The following ITGA9 variants were observed in gnomAD, a reference collection of about 807,000 sequenced individuals.
The protein encoded by ITGA9 is integrin subunit alpha 9.
In ITGA9, 56 loss-of-function variants were observed where a neutral mutation model predicts 127.8. The observed-to-expected ratio is 0.44, with a 90% confidence interval of 0.35 to 0.55. ITGA9 has a LOEUF of 0.55. Among genes scored for constraint, ITGA9 ranks in the 20% least tolerant of loss-of-function variants. The pLI, the probability that ITGA9 is intolerant of heterozygous loss-of-function variation, is 0.00. For missense variants in ITGA9, 1,196 were observed against 1,347.1 expected, an observed-to-expected ratio of 0.89 and a Z score of 1.76; for synonymous variants, 508 against 514.5, an observed-to-expected ratio of 0.99 and a Z score of 0.17.
At chr3:37,780,906 G>A (rs1036262222) in intron 25 of ITGA9, among the ~76,000 whole-genome samples, 15 of 152,194 alleles carry the variant, frequency 9.9e-5, no homozygotes, top group Non-Finnish European at 1.9e-4. Context: ...TCCAGCAAGT[G>A]CCATTGGTAA....
At chr3:37,731,996 G>A (rs1179728963) in intron 18 of ITGA9, among the ~76,000 whole-genome samples, 5 of 152,150 alleles carry the variant, frequency 3.3e-5, no homozygotes, top group East Asian at 1.9e-4. Context: ...TACTGTTTCC[G>A]CTTGGCAGTC....
rs6550480 is a variant in ITGA9, at chr3:37,552,685, T to G, written c.1689+10100T>G. 2.6e-3 allele frequency among the ~76,000 whole-genome samples: 402 copies of G among 152,288 alleles called. 2 individuals are homozygous for G. Among genetic ancestry groups the G allele is most frequent in the African/African-American group, 8.9e-3 (371 of 41,550 alleles). On this transcript the variant is annotated intron_variant, in intron 15 of 27. Coordinates refer to ENST00000264741, the MANE Select transcript of ITGA9 (RefSeq NM_002207.3). Reference sequence around the variant, plus strand: ...TGCATGCATGTACTCCAGCTCTCTGTGTATGTTACACACACACACGTTTTT... The same window carrying G: ...TGCATGCATGTACTCCAGCTCTCTGGGTATGTTACACACACACACGTTTTT...
At chr3:37,742,469 G>A (rs1195781729) in intron 21 of ITGA9, among the ~76,000 whole-genome samples, 2 of 152,208 alleles carry the variant, frequency 1.3e-5, no homozygotes, top group Admixed American at 6.5e-5. Flanking sequence ...GTGGAGACCT[G>A]AAACAACCTG....
chr3:37,478,266 C>T (rs138699233), intron 3 of ITGA9, among the ~76,000 whole-genome samples: 3 of 152,270 alleles, frequency 2.0e-5, no homozygotes, highest in African/African-American at 7.2e-5. Context: ...GGATGCATGA[C>T]AAAGGCTTTG....
chr3:37,567,173 A>G (rs1202580906), intron 15 of ITGA9, among the ~76,000 whole-genome samples: 2 of 152,262 alleles, frequency 1.3e-5, no homozygotes, highest in African/African-American at 4.8e-5. Flanking sequence ...CCTTGCAATC[A>G]TAGCAGAAAG....
rs139839965 is a variant in ITGA9 at position 37,503,270 on chromosome 3, C to T, written c.705C>T (p.Asn235=). 186 of 1,613,976 alleles carry T rather than the reference C, an allele frequency of 1.2e-4. No homozygotes were observed. Among genetic ancestry groups the T allele is most frequent in the Admixed American group, 3.5e-4 (21 of 60,016 alleles). ...NLTDNTYLKL[N]DEVIMNRRYT... ...CGGACAACACCTATTTAAAACTGAACGACGAAGTGATCATGAACAGGCGGT... is the reference window on the plus strand; with the variant it reads ...CGGACAACACCTATTTAAAACTGAATGACGAAGTGATCATGAACAGGCGGT... Residue 235 remains asparagine (N), a synonymous_variant, in exon 6 of 28, where the codon AAC becomes AAT. Coordinates refer to ENST00000264741, the MANE Select transcript of ITGA9 (RefSeq NM_002207.3).
At chr3:37,723,507 T>G (rs1173906093) in intron 18 of ITGA9, among the ~76,000 whole-genome samples, 1 of 152,146 alleles carries the variant, frequency 6.6e-6, no homozygotes, top group Non-Finnish European at 1.5e-5. Context: ...GCTACAGATG[T>G]GTGCTACTAC....
rs1382472735 is a variant in ITGA9 at position 37,703,972 on chromosome 3, C to T, written c.2067+19957C>T. 2.0e-5 allele frequency among the ~76,000 whole-genome samples: 3 copies of T among 152,024 alleles called. No homozygotes were observed. The East Asian group carries it at 5.8e-4, about 29-fold the overall frequency. ...ATCTCTCTCCTACAAATACCAGCTT[C>T]CTTGGTGAGTATTGGGGCTGGGGTT... On this transcript the variant is annotated intron_variant, in intron 18 of 27. Transcript: ENST00000264741.
intron 15 of ITGA9, among the ~76,000 whole-genome samples, chr3:37,579,545 C>T (rs938384191): frequency 6.6e-6 from 1 of 152,142 alleles, no homozygotes; most frequent in Admixed American, 6.5e-5. Flanking sequence ...ACCACCTCTT[C>T]TCCAGGGGAG....
chr3:37,637,271 A>C (rs962368541), intron 16 of ITGA9, among the ~76,000 whole-genome samples: 4 of 152,136 alleles, frequency 2.6e-5, no homozygotes, highest in Non-Finnish European at 2.9e-5. Context: ...ACGAGCATGG[A>C]ATGTTCTTCC....
intron 15 of ITGA9, among the ~76,000 whole-genome samples, chr3:37,578,615 C>T (rs2125608552): frequency 6.6e-6 from 1 of 152,282 alleles, no homozygotes; most frequent in East Asian, 1.9e-4. Context: ...CAAGAGAGAC[C>T]ATTCTCCCAT....
At position 37,819,100 on chromosome 3, in the gene ITGA9, T is replaced by C; in HGVS notation, c.*111T>C. On this transcript the variant is annotated 3_prime_UTR_variant, in exon 28 of 28. Coordinates refer to ENST00000264741, the MANE Select transcript of ITGA9 (RefSeq NM_002207.3). ...CCAGATTTTTCGGAGGCCCCACTGA[T>C]GCTGTTCTCTTCTTCATTCTATCAA... 7 of 823,672 alleles carry C rather than the reference T, an allele frequency of 8.5e-6. No individual in the cohort carries two copies. The highest frequency in any genetic ancestry group is 1.4e-5 in the Non-Finnish European group (7 of 483,660). The allele number at this position is 823,672 out of a possible 1,614,324, so 51.0% of individuals were successfully genotyped here. A position where few individuals can be genotyped will look rare whatever the true frequency, so the allele number is the denominator to read the frequency against.
At chr3:37,694,705 C>A (rs1162005025) in intron 18 of ITGA9, among the ~76,000 whole-genome samples, 1 of 152,110 alleles carries the variant, frequency 6.6e-6, no homozygotes, top group African/African-American at 2.4e-5. Context: ...CTCTAGATTT[C>A]TTTTTTTCTA....
At chr3:37,577,842 G>A (rs567348229) in intron 15 of ITGA9, among the ~76,000 whole-genome samples, 12 of 152,286 alleles carry the variant, frequency 7.9e-5, no homozygotes, top group East Asian at 7.7e-4. Flanking sequence ...AGTCATGAGC[G>A]TCACTTGGAG....
intron 18 of ITGA9, among the ~76,000 whole-genome samples, chr3:37,726,868 C>G (rs556798916): frequency 1.7e-4 from 26 of 152,318 alleles, no homozygotes; most frequent in Admixed American, 1.7e-3. Context: ...AAAATGTTAA[C>G]TGATGATTTC....
At chr3:37,463,515 G>C (rs774558996) in intron 1 of ITGA9, among the ~76,000 whole-genome samples, 1 of 152,198 alleles carries the variant, frequency 6.6e-6, no homozygotes, top group Non-Finnish European at 1.5e-5. Flanking sequence ...TTGTACACAT[G>C]GTGGTTGGGT....
intron 15 of ITGA9, among the ~76,000 whole-genome samples, chr3:37,570,422 T>G (rs1699589262): frequency 6.6e-6 from 1 of 152,228 alleles, no homozygotes; most frequent in Non-Finnish European, 1.5e-5. Context: ...TTTGAACAAC[T>G]GATAGGCTTG....
chr3:37,474,310 C>T (rs1177947246), intron 3 of ITGA9, among the ~76,000 whole-genome samples: 2 of 152,294 alleles, frequency 1.3e-5, no homozygotes, highest in South Asian at 2.1e-4. Flanking sequence ...GGTTTTTAGT[C>T]ATATTAGCCA....
chr3:37,503,768 C>T (rs913311656), intron 6 of ITGA9, among the ~76,000 whole-genome samples: 2 of 152,168 alleles, frequency 1.3e-5, no homozygotes, highest in African/African-American at 4.8e-5. Flanking sequence ...ATTAAAGGCT[C>T]AGAAAAATTT....
Sources: allele counts gnomAD v4.1 joint callset (sites outside exome capture counted in the v4.1 genomes callset), GRCh38; gene constraint gnomAD v4.1.1; transcripts MANE v1.5; gene names NCBI Gene and HGNC (gene_info 2026-07-23, HGNC 2026-07-21).